ITFG1: variants seen among roughly 807,000 people sequenced by gnomAD.
ITFG1 encodes T-cell immunomodulatory protein.
A neutral mutation model predicts 81.8 loss-of-function variants in ITFG1; 34 were observed. The observed-to-expected ratio is 0.42, with a 90% CI of 0.32 to 0.55. The LOEUF is 0.55. Ranked by LOEUF, ITFG1 falls within the 20% of genes least tolerant of loss-of-function variation. The pLI is 0.17. For synonymous variants in ITFG1, 285 were observed against 270.6 expected (o/e 1.05, Z -0.52); for missense variants, 672 against 755.4 (o/e 0.89, Z 1.29).
chr16:47,262,500 C>T (rs934608269), intron 10 of ITFG1, among the ~76,000 whole-genome samples: 2 of 152,178 alleles, frequency 1.3e-5, no homozygotes, highest in East Asian at 1.9e-4. Context: ...GTGATAAAAG[C>T]GGACTTTCTA....
chr16:47,321,761 C>T (rs1967452063), intron 8 of ITFG1, among the ~76,000 whole-genome samples: 1 of 152,072 alleles, frequency 6.6e-6, no homozygotes, highest in Admixed American at 6.6e-5. Context: ...TTATATAAAC[C>T]AGGCTAGATA....
chr16:47,437,108 A>T (rs1003971227), intron 5 of ITFG1, among the ~76,000 whole-genome samples: 1 of 152,150 alleles, frequency 6.6e-6, no homozygotes, highest in Non-Finnish European at 1.5e-5. Context: ...CTGGAAATGT[A>T]ATATTAAGAA....
chr16:47,354,030 T>C (rs1216985359), intron 8 of ITFG1, among the ~76,000 whole-genome samples: 1 of 152,110 alleles, frequency 6.6e-6, no homozygotes, highest in Non-Finnish European at 1.5e-5. Flanking sequence ...ATGACATTCT[T>C]GACAATAGTA....
intron 10 of ITFG1, among the ~76,000 whole-genome samples, chr16:47,298,669 G>A (rs1439333741): frequency 6.6e-6 from 1 of 152,166 alleles, no homozygotes. Context: ...ATACTGAGAA[G>A]CCAGGGTGGC....
At chr16:47,374,977 T>C (rs1481679231) in intron 7 of ITFG1, among the ~76,000 whole-genome samples, 3 of 152,196 alleles carry the variant, frequency 2.0e-5, no homozygotes, top group Non-Finnish European at 4.4e-5. Flanking sequence ...AATCTGCTTA[T>C]TTTTTATCAG....
At chr16:47,406,862 C>T (rs1030214141) in intron 6 of ITFG1, among the ~76,000 whole-genome samples, 2 of 151,968 alleles carry the variant, frequency 1.3e-5, no homozygotes, top group African/African-American at 4.8e-5. Context: ...TGAGAAATAA[C>T]TTGAGGGAGG....
At chr16:47,265,961 T>C (rs1287536617) in intron 10 of ITFG1, among the ~76,000 whole-genome samples, 1 of 152,082 alleles carries the variant, frequency 6.6e-6, no homozygotes, top group Non-Finnish European at 1.5e-5. Flanking sequence ...TGTTTGCAAA[T>C]TATATCTGAA....
At chr16:47,276,521 T>C (rs1966400919) in intron 10 of ITFG1, among the ~76,000 whole-genome samples, 1 of 152,178 alleles carries the variant, frequency 6.6e-6, no homozygotes, top group South Asian at 2.1e-4. Context: ...ATAAGAAAAA[T>C]TAATTCTAAA....
chr16:47,396,162 G>A (rs1052252822), intron 6 of ITFG1: 12 of 985,280 alleles, frequency 1.2e-5, no homozygotes, highest in Non-Finnish European at 1.4e-5. Context: ...GGAGAGATAA[G>A]TCTACATTTG....
intron 10 of ITFG1, among the ~76,000 whole-genome samples, chr16:47,300,671 TTATAA>T (rs1020568818): frequency 6.6e-6 from 1 of 152,214 alleles, no homozygotes; most frequent in Non-Finnish European, 1.5e-5. Flanking sequence ...TTAATGATTC[TTATAA>T]TATACCTTAA....
At chr16:47,311,186 C>G in intron 10 of ITFG1, 54 bp downstream of exon 10, 1 of 1,354,526 alleles carries the variant, frequency 7.4e-7, no homozygotes, top group East Asian at 2.4e-5. Flanking sequence ...CCATGGTTTG[C>G]AAATATTTCT....
intron 8 of ITFG1, among the ~76,000 whole-genome samples, chr16:47,347,548 A>T (rs938188730): frequency 1.3e-5 from 2 of 152,022 alleles, no homozygotes; most frequent in African/African-American, 2.4e-5. Flanking sequence ...GCAGCTGGGA[A>T]GCCCGAAATG....
At chr16:47,435,069 T>C (rs1596982163) in intron 5 of ITFG1, among the ~76,000 whole-genome samples, 1 of 151,982 alleles carries the variant, frequency 6.6e-6, no homozygotes, top group Non-Finnish European at 1.5e-5. Flanking sequence ...GAAGAATAGG[T>C]AAGGGATGCC....
intron 8 of ITFG1, among the ~76,000 whole-genome samples, chr16:47,361,600 G>A (rs1455549266): frequency 6.6e-6 from 1 of 152,066 alleles, no homozygotes; most frequent in Non-Finnish European, 1.5e-5. Context: ...ACATTTATGG[G>A]TTGCAGATGT....
At chr16:47,158,007 T>C (rs1158424771) in intron 17 of ITFG1, among the ~76,000 whole-genome samples, 1 of 152,246 alleles carries the variant, frequency 6.6e-6, no homozygotes, top group Non-Finnish European at 1.5e-5. Context: ...TTGGGAGTTT[T>C]GTTTTCAATT....
At chr16:47,218,557 TA>T (rs1191216941) in intron 14 of ITFG1, 2 of 167,964 alleles carry the variant, frequency 1.2e-5, no homozygotes, top group East Asian at 3.2e-4. Flanking sequence ...CTTAATTAAC[TA>T]ATTTGCACTT....
At chr16:47,330,256 A>G (rs554924584) in intron 8 of ITFG1, among the ~76,000 whole-genome samples, 12 of 152,228 alleles carry the variant, frequency 7.9e-5, no homozygotes, top group Middle Eastern at 3.4e-3. Context: ...GAAGAATGAA[A>G]CTGGACCCCT....
chr16:47,315,844 G>A (rs1219225734), intron 8 of ITFG1, among the ~76,000 whole-genome samples: 1 of 151,278 alleles, frequency 6.6e-6, no homozygotes, highest in East Asian at 1.9e-4. Context: ...AGGCTGGAGT[G>A]CAGTGGCACG....
chr16:47,269,845 AAAG>A (rs1280399379), intron 10 of ITFG1, among the ~76,000 whole-genome samples: 3 of 152,192 alleles, frequency 2.0e-5, no homozygotes, highest in African/African-American at 4.8e-5. Context: ...TAACTCTGGA[AAAG>A]AAGGAGGGCA....
Sources: gnomAD v4.1 joint callset for allele counts (sites outside exome capture counted in the v4.1 genomes callset) on GRCh38, gnomAD v4.1.1 for gene constraint, MANE v1.5 for transcripts, NCBI Gene and HGNC (gene_info 2026-07-23, HGNC 2026-07-21) for gene names.